Variants in CFAP46 observed in about 807,000 individuals in gnomAD.
CFAP46 encodes the protein cilia and flagella associated protein 46.
Under a neutral mutation model 325.7 loss-of-function variants are expected in CFAP46, and 245 were observed. The ratio of observed to expected loss-of-function variants is 0.75; its 90% CI spans 0.68 to 0.84. The LOEUF is 0.84. CFAP46 is among the 40% of genes least tolerant of loss of function. CFAP46 has a pLI of 0.00. For missense variants in CFAP46, 3,346 were observed against 3,543.0 expected (o/e 0.94, Z 1.41); for synonymous variants, 1,523 against 1,495.9 (o/e 1.02, Z -0.42).
chr10:132,869,277 G>T lies in CFAP46; in HGVS notation c.4607C>A (p.Ala1536Asp). The T allele has an allele frequency of 1.3e-6, 2 of 1,533,826 alleles. No individual in the cohort carries two copies. ...CGCAGGGTGGGACGGCACACACCTG[G>T]CCTGCTCCAGCTCGCTGACGCACAC... is the stretch of plus-strand genomic sequence containing the variant. ...GQVCVSELEQASCRKEIALKK... is the reference protein window; with the variant it reads ...GQVCVSELEQDSCRKEIALKK... The change falls in exon 33 of 58, where the codon GCC (alanine) becomes GAC (aspartate). Residue 1536 changes from alanine (A) to aspartate (D), a missense_variant. Ala to Asp is a moderately radical substitution (Grantham distance 126). Transcript: ENST00000368586. This position sits in a 1 kb window ranked among gnomAD's most constrained non-coding sequence, Gnocchi z 6.2.
intron 28 of CFAP46, among the ~76,000 whole-genome samples, chr10:132,880,586 C>A (rs1398342125): frequency 6.6e-6 from 1 of 152,230 alleles, no homozygotes; most frequent in Non-Finnish European, 1.5e-5. Flanking sequence ...CTGGATGGAA[C>A]CTTTCTGTGA....
At chr10:132,842,162 A>G (rs1848356601) in intron 44 of CFAP46, among the ~76,000 whole-genome samples, 1 of 152,190 alleles carries the variant, frequency 6.6e-6, no homozygotes, top group African/African-American at 2.4e-5. Flanking sequence ...TAGTGGTTAG[A>G]AGTAGCCACG....
In CFAP46 at chr10:132,938,594, C is replaced by T; in HGVS notation, c.531G>A (p.Leu177=). 1 of 1,613,006 alleles carries T rather than the reference C, an allele frequency of 6.2e-7. No homozygotes were observed. ...GCACGGCGAGCTCAACTCACAGCAT[C>T]AGCTCAGCACGCCACTCCTTGTCTT... is the stretch of plus-strand genomic sequence containing the variant. ...EEEDKEWRAE[L]MLELLECYLQ... The change falls in exon 5 of 58, where the codon CTG becomes CTA. Residue 177 remains leucine (L), a synonymous_variant. Transcript: ENST00000368586.
intron 35 of CFAP46, 127 bp downstream of exon 35, chr10:132,865,898 A>G (rs1040447381): frequency 3.2e-6 from 3 of 949,004 alleles, no homozygotes; most frequent in Non-Finnish European, 4.2e-6. Context: ...CTGGACCCAG[A>G]CAAGAGAGGC....
intron 22 of CFAP46, among the ~76,000 whole-genome samples, chr10:132,900,075 C>T (rs961111256): frequency 1.3e-5 from 2 of 152,186 alleles, no homozygotes; most frequent in Non-Finnish European, 2.9e-5. Context: ...GACCCCAACC[C>T]AAAACTAACT....
rs376137534 is a variant in CFAP46, at chr10:132,828,912, G to A, written c.7117+4446C>T. Among the ~76,000 whole-genome samples the A allele has an allele frequency of 2.0e-5, 3 of 151,968 alleles. No individual in the cohort carries two copies. The highest frequency in any genetic ancestry group is 6.6e-5 in the Admixed American group (1 of 15,264). On this transcript the variant is annotated intron_variant, in intron 50 of 57. Coordinates refer to ENST00000368586, the MANE Select transcript of CFAP46 (RefSeq NM_001200049.3). The surrounding 1 kb of genome is among the most constrained non-coding windows in gnomAD (Gnocchi z 4.9). ...ACCTGTGGCGTGCTTCTGGTTCCCCGCCCCATCCCCTGGGTCTACACGGCT... is the reference window on the plus strand; with the variant it reads ...ACCTGTGGCGTGCTTCTGGTTCCCCACCCCATCCCCTGGGTCTACACGGCT...
intron 31 of CFAP46, among the ~76,000 whole-genome samples, chr10:132,873,094 C>T (rs1352005643): frequency 6.6e-6 from 1 of 152,226 alleles, no homozygotes; most frequent in Non-Finnish European, 1.5e-5. Context: ...TATGAAGATC[C>T]TCACAAGAAA....
Position 132,871,342 on chromosome 10 carries a change from C to T in CFAP46, c.4511+1334G>A, listed in dbSNP as rs1359995957. ...CAGTCCATGGATCAAGGAGGCATTT[C>T]GACTTTCAAGTCTTACTATTTATGA... On this transcript the variant is annotated intron_variant, in intron 32 of 57. Transcript: ENST00000368586. Among the ~76,000 whole-genome samples the T allele has an allele frequency of 3.9e-5, 6 of 152,198 alleles. No homozygotes were observed. In the South Asian group the frequency reaches 8.3e-4, roughly 21 times the overall value.
At chr10:132,924,612 G>A in intron 11 of CFAP46, 84 bp downstream of exon 11, 1 of 1,306,010 alleles carries the variant, frequency 7.7e-7, no homozygotes. Flanking sequence ...TCATGGCAAG[G>A]GGGCTTGGGC....
intron 46 of CFAP46, 108 bp from the exon 47 acceptor site, chr10:132,835,542 G>T: frequency 7.2e-7 from 1 of 1,397,348 alleles, no homozygotes; most frequent in Non-Finnish European, 9.8e-7. Context: ...AGGAAAGGCT[G>T]CATGGATGGA....
intron 20 of CFAP46, among the ~76,000 whole-genome samples, chr10:132,909,579 TAG>T (rs1849509861): frequency 6.6e-6 from 1 of 152,122 alleles, no homozygotes; most frequent in African/African-American, 2.4e-5. Context: ...TGGGCCCCAC[TAG>T]GGCCTGGCTC....
At chr10:132,879,766 G>C in intron 28 of CFAP46, 135 bp from the exon 29 acceptor site, 2 of 892,488 alleles carry the variant, frequency 2.2e-6, no homozygotes. Context: ...ACTCTGCTGA[G>C]GGCCGGCAGC....
At chr10:132,875,360 C>A (rs1848944291) in intron 31 of CFAP46, among the ~76,000 whole-genome samples, 1 of 152,174 alleles carries the variant, frequency 6.6e-6, no homozygotes, top group African/African-American at 2.4e-5. Context: ...AAAAACTCTA[C>A]CAGGGTTTGT....
Position 132,875,950 on chromosome 10 carries a change from G to A in CFAP46, c.4362+862C>T, listed in dbSNP as rs137865673. On this transcript the variant is annotated intron_variant, in intron 31 of 57. Transcript: ENST00000368586. ...GTGGAAAGGCAAGGCACAAAGTGGA[G>A]GCAGATCTGCTGGTCACATGGCTGC... is the stretch of plus-strand genomic sequence containing the variant. Among the ~76,000 whole-genome samples the A allele has an allele frequency of 9.8e-3, 1,500 of 152,352 alleles. 15 individuals are homozygous for A. Among genetic ancestry groups the A allele is most frequent in the South Asian group, 0.043 (208 of 4,824 alleles).
At chr10:132,819,789 T>C (rs1388567444) in intron 50 of CFAP46, among the ~76,000 whole-genome samples, 1 of 152,194 alleles carries the variant, frequency 6.6e-6, no homozygotes, top group East Asian at 1.9e-4. Context: ...ATAAAACTAC[T>C]AGAAGAAAAC....
Position 132,869,230 on chromosome 10 carries a change from G to A in CFAP46, c.4610+44C>T. 6.8e-7 allele frequency: 1 copy of A among 1,467,104 alleles called. No homozygotes were observed. Among genetic ancestry groups the A allele is most frequent in the Non-Finnish European group, 9.1e-7 (1 of 1,093,684 alleles). 90.9% of individuals were successfully genotyped at this position (1,467,104 alleles called of 1,614,324 possible). A position where few individuals can be genotyped will look rare whatever the true frequency, so the allele number is the denominator to read the frequency against. On this transcript the variant is annotated intron_variant, in intron 33 of 57. Coordinates refer to ENST00000368586, the MANE Select transcript of CFAP46 (RefSeq NM_001200049.3). This position sits in a 1 kb window ranked among gnomAD's most constrained non-coding sequence, Gnocchi z 6.2. ...TGGCTTTCACCTGGCCGCACCAAGG[G>A]CGAGACTCAAACCCCAGGCGGCGCA...
chr10:132,914,121 A>G (rs1412366895), intron 17 of CFAP46, among the ~76,000 whole-genome samples: 25 of 36,296 alleles, frequency 6.9e-4, no homozygotes, highest in African/African-American at 3.6e-3. Context: ...GCCACACTGC[A>G]CCCCGCCCCG....
intron 35 of CFAP46, among the ~76,000 whole-genome samples, chr10:132,865,527 C>T (rs756630778): frequency 1.3e-5 from 2 of 152,206 alleles, no homozygotes; most frequent in African/African-American, 2.4e-5. Flanking sequence ...CCTCAGCAAA[C>T]GTCCCGGGGC....
chr10:132,850,661 G>A (rs908127267), intron 40 of CFAP46, among the ~76,000 whole-genome samples: 4 of 152,134 alleles, frequency 2.6e-5, no homozygotes, highest in Admixed American at 6.5e-5. Context: ...TTTTAGGCCC[G>A]TCTTTGGTCC....
Sources: allele counts gnomAD v4.1 joint callset (sites outside exome capture counted in the v4.1 genomes callset), GRCh38; gene constraint gnomAD v4.1.1; non-coding constraint Gnocchi (gnomAD v3.1); transcripts MANE v1.5; gene names NCBI Gene and HGNC (gene_info 2026-07-23, HGNC 2026-07-21).